The following RTKN2 variants were observed in gnomAD, a reference collection of about 807,000 sequenced individuals.
RTKN2 encodes the protein rhotekin-2.
Under a neutral mutation model 71.5 loss-of-function variants are expected in RTKN2, and 69 were observed. That is an observed-to-expected ratio of 0.96 (90% CI 0.79 to 1.18). The LOEUF (loss-of-function observed/expected upper bound fraction) is 1.18. Ranked by LOEUF, RTKN2 falls within the 50% of genes most tolerant of loss-of-function variation. The pLI is 0.00. For synonymous variants in RTKN2, 236 were observed against 236.5 expected (o/e 1.00, Z 0.02); for missense variants, 724 against 719.7 (o/e 1.01, Z -0.07).
chr10:62,239,767 T>C lies in RTKN2; in HGVS notation c.371-2A>G. The C allele has an allele frequency of 2.7e-6, 4 of 1,493,208 alleles. No individual in the cohort carries two copies. The South Asian group carries it at 3.6e-5, about 13-fold the overall frequency. 92.5% of individuals were successfully genotyped at this position (1,493,208 alleles called of 1,614,324 possible). A position where few individuals can be genotyped will look rare whatever the true frequency, so the allele number is the denominator to read the frequency against. On this transcript the variant is annotated splice_acceptor_variant, in intron 4 of 11. Transcript: ENST00000373789. LOFTEE classifies it high-confidence loss of function. ...AAAAAATGGCATAGCGTCGTGATCC[T>C]GGAGGAAAAATAACAACATATTAAG...
chr10:62,220,229 G>A (rs1341175953), intron 7 of RTKN2, among the ~76,000 whole-genome samples: 2 of 152,154 alleles, frequency 1.3e-5, no homozygotes, highest in Non-Finnish European at 1.5e-5. Context: ...ACAATGTTCT[G>A]AGACTATTCA....
intron 7 of RTKN2, among the ~76,000 whole-genome samples, chr10:62,221,202 T>C (rs1841898371): frequency 6.6e-6 from 1 of 151,984 alleles, no homozygotes. Flanking sequence ...TTAATTGTTC[T>C]AAAGTCCTTG....
intron 6 of RTKN2, among the ~76,000 whole-genome samples, chr10:62,229,570 C>T (rs900351892): frequency 6.6e-6 from 1 of 152,086 alleles, no homozygotes; most frequent in Admixed American, 6.5e-5. Flanking sequence ...TTCTTATTGG[C>T]CACTAAAAAC....
In RTKN2 at chr10:62,194,561, C is replaced by T. The variant is rs1474147864; in HGVS notation, c.*3347G>A. ...TTTTTCTTGCAGAGCAGTTCTTGCT[C>T]ATGGTGCAATGCAGTACTCTGTCCA... is the stretch of plus-strand genomic sequence containing the variant. On this transcript the variant is annotated 3_prime_UTR_variant, in exon 12 of 12. Transcript: ENST00000373789. 2.0e-6 allele frequency: 2 copies of T among 985,312 alleles called. No individual in the cohort carries two copies. The highest frequency in any genetic ancestry group is 1.7e-5 in the African/African-American group (1 of 57,240). The allele number at this position is 985,312 out of a possible 1,614,324, so 61.0% of individuals were successfully genotyped here.
chr10:62,236,045 A>C (rs1334842467), intron 6 of RTKN2, 21 bp downstream of exon 6: 1 of 1,488,630 alleles, frequency 6.7e-7, no homozygotes, highest in Non-Finnish European at 9.4e-7. Flanking sequence ...TGTCACCATA[A>C]ATACAGTATT....
At chr10:62,184,381 T>C (rs2132750198) in exon 9 of RTKN2, 1 of 1,536,800 alleles carries the variant, frequency 6.5e-7, no homozygotes, top group Non-Finnish European at 8.8e-7. Flanking sequence ...AGTTGATTAC[T>C]ATTATTCTGA....
At chr10:62,205,313 T>G (rs891162789) in intron 9 of RTKN2, among the ~76,000 whole-genome samples, 2 of 152,190 alleles carry the variant, frequency 1.3e-5, no homozygotes, top group African/African-American at 4.8e-5. Context: ...TTTTGATCCA[T>G]CTCAGTTTAA....
At chr10:62,205,153 T>A in intron 9 of RTKN2, 131 bp from the exon 10 acceptor site, 1 of 692,578 alleles carries the variant, frequency 1.4e-6, no homozygotes. Flanking sequence ...ATTTGAAATT[T>A]AAAACATGTA....
intron 8 of RTKN2, among the ~76,000 whole-genome samples, chr10:62,187,683 A>G (rs770603048): frequency 1.3e-5 from 2 of 152,174 alleles, no homozygotes; most frequent in African/African-American, 2.4e-5. Context: ...TGATTCTCTC[A>G]GCATACTTAT....
rs762324391 is a variant in RTKN2, at chr10:62,193,100, TATTAAG to T, written c.*4802_*4807del. ...GCTACAACTAATTCAGTTAAATGTT[TATTAAG>T]ATTAAGTTCTACAAAAATGCATCCA... On this transcript the variant is annotated 3_prime_UTR_variant, in exon 12 of 12. Transcript: ENST00000373789. 1.7e-4 allele frequency: 76 copies of T among 451,104 alleles called. No homozygotes were observed. The highest frequency in any genetic ancestry group is 1.1e-3 in the Middle Eastern group (1 of 908). 27.9% of individuals were successfully genotyped at this position (451,104 alleles called of 1,614,324 possible). A position where few individuals can be genotyped will look rare whatever the true frequency, so the allele number is the denominator to read the frequency against.
Position 62,195,150 on chromosome 10 carries a change from G to A in RTKN2, c.*2758C>T, listed in dbSNP as rs1235649023. 9.2e-6 allele frequency: 9 copies of A among 974,084 alleles called. No individual in the cohort carries two copies. Among genetic ancestry groups the A allele is most frequent in the Non-Finnish European group, 9.8e-6 (8 of 819,834 alleles). The allele number at this position is 974,084 out of a possible 1,614,324, so 60.3% of individuals were successfully genotyped here. A position where few individuals can be genotyped will look rare whatever the true frequency, so the allele number is the denominator to read the frequency against. Reference sequence around the variant, plus strand: ...ATATCCCAGAGCTTGAAATGTAAAGGTAATTGTCTAAGACATTATCTTTAG... The same window carrying A: ...ATATCCCAGAGCTTGAAATGTAAAGATAATTGTCTAAGACATTATCTTTAG... On this transcript the variant is annotated 3_prime_UTR_variant, in exon 12 of 12. Coordinates refer to ENST00000373789, the MANE Select transcript of RTKN2 (RefSeq NM_145307.4).
downstream of RTKN2, among the ~76,000 whole-genome samples, chr10:62,192,584 C>T (rs570539135): frequency 1.3e-5 from 2 of 152,182 alleles, no homozygotes; most frequent in Non-Finnish European, 2.9e-5. Context: ...ATCATATGAG[C>T]CCTTTAAAAG....
chr10:62,253,929 A>T (rs1189336821), intron 2 of RTKN2, among the ~76,000 whole-genome samples: 1 of 152,196 alleles, frequency 6.6e-6, no homozygotes. Flanking sequence ...GTTCCAGAAC[A>T]GGCAAAATTA....
intron 6 of RTKN2, among the ~76,000 whole-genome samples, chr10:62,232,314 TC>T (rs1842166202): frequency 9.4e-6 from 1 of 106,932 alleles, no homozygotes; most frequent in Non-Finnish European, 1.8e-5. Flanking sequence ...TTTCTTTCTT[TC>T]TTTTTTTTTT....
At chr10:62,226,303 GTC>G in intron 6 of RTKN2, among the ~76,000 whole-genome samples, 1 of 152,042 alleles carries the variant, frequency 6.6e-6, no homozygotes, top group Non-Finnish European at 1.5e-5. Flanking sequence ...CCTTAATAAA[GTC>G]TCTATTACAA....
chr10:62,221,468 G>A (rs186304409), intron 7 of RTKN2, among the ~76,000 whole-genome samples: 2 of 151,392 alleles, frequency 1.3e-5, no homozygotes, highest in African/African-American at 2.4e-5. Context: ...TAAAAGCTTC[G>A]GTAAAAAAAA....
intron 8 of RTKN2, among the ~76,000 whole-genome samples, 164 bp from the exon 9 acceptor site, chr10:62,217,413 A>C (rs1044656138): frequency 2.0e-5 from 3 of 152,206 alleles, no homozygotes; most frequent in African/African-American, 7.2e-5. Context: ...CCCCAAATCC[A>C]AGAGTATGTT....
chr10:62,195,735 A>G lies in RTKN2; in HGVS notation c.*2173T>C. 1.0e-6 allele frequency: 1 copy of G among 985,390 alleles called. No homozygotes were observed. The highest frequency in any genetic ancestry group is 1.2e-6 in the Non-Finnish European group (1 of 829,908). 61.0% of individuals were successfully genotyped at this position (985,390 alleles called of 1,614,324 possible). A position where few individuals can be genotyped will look rare whatever the true frequency, so the allele number is the denominator to read the frequency against. ...GGGTAAATTAGCATTTCAGGAGCTG[A>G]AGACACCAGACCCATTTCAAAGACT... On this transcript the variant is annotated 3_prime_UTR_variant, in exon 12 of 12. Transcript: ENST00000373789.
intron 2 of RTKN2, among the ~76,000 whole-genome samples, chr10:62,258,543 C>T (rs1283342015): frequency 2.6e-5 from 4 of 152,074 alleles, no homozygotes; most frequent in Non-Finnish European, 4.4e-5. Flanking sequence ...CTGGTTATTT[C>T]AATTATTTAC....
Sources: allele counts gnomAD v4.1 joint callset (sites outside exome capture counted in the v4.1 genomes callset), GRCh38; gene constraint gnomAD v4.1.1; transcripts MANE v1.5; gene names NCBI Gene and HGNC (gene_info 2026-07-23, HGNC 2026-07-21).